Variants in CBFB observed in about 807,000 individuals in gnomAD.
CBFB encodes CBF-beta.
CBFB carries 9 observed loss-of-function variants against 30.4 expected under a neutral mutation model. The ratio of observed to expected loss-of-function variants is 0.30; its 90% confidence interval spans 0.18 to 0.52. The LOEUF is 0.52. Among genes scored for constraint, CBFB ranks in the 20% least tolerant of loss-of-function variants. The probability of loss-of-function intolerance (pLI) is 0.97; values close to 1 mark genes in which losing one functional copy is unlikely to be tolerated. For missense variants in CBFB, 170 were observed against 244.0 expected (o/e 0.70, Z 2.02); for synonymous variants, 94 against 84.0 (o/e 1.12, Z -0.65).
intron 5 of CBFB, among the ~76,000 whole-genome samples, chr16:67,092,281 T>C (rs1299406986): frequency 6.6e-6 from 1 of 152,154 alleles, no homozygotes; most frequent in Non-Finnish European, 1.5e-5. Context: ...TTATGGCTGC[T>C]TTTTAACCTT....
intron 2 of CBFB, among the ~76,000 whole-genome samples, chr16:67,035,973 C>A (rs904255295): frequency 6.6e-6 from 1 of 152,024 alleles, no homozygotes; most frequent in Non-Finnish European, 1.5e-5. Flanking sequence ...ACATCCAAAT[C>A]TTTTATATTT....
intron 3 of CBFB, among the ~76,000 whole-genome samples, chr16:67,045,757 G>A (rs111812334): frequency 2.3e-3 from 352 of 151,720 alleles, no homozygotes; most frequent in Non-Finnish European, 3.4e-3. Context: ...TCTGAGAAGA[G>A]CATCCTTCAC....
At chr16:67,092,696 ATCTTTTTTTTTTTTT>A (rs1450042969) in intron 5 of CBFB, among the ~76,000 whole-genome samples, 3 of 94,664 alleles carry the variant, frequency 3.2e-5, no homozygotes, top group African/African-American at 1.4e-4. Context: ...CAGTGGTGCA[ATCTTTTTTTTTTTTT>A]TTTTTTTTTT....
intron 3 of CBFB, among the ~76,000 whole-genome samples, chr16:67,051,894 C>A (rs1960553990): frequency 6.9e-6 from 1 of 144,374 alleles, no homozygotes; most frequent in South Asian, 2.2e-4. Context: ...GGATTACAGG[C>A]ATATATATAT....
At chr16:67,078,413 G>GCA (rs1961467039) in intron 4 of CBFB, among the ~76,000 whole-genome samples, 1 of 151,970 alleles carries the variant, frequency 6.6e-6, no homozygotes, top group Non-Finnish European at 1.5e-5. Context: ...AGCTCTGGTG[G>GCA]CACACACCTG....
At chr16:67,086,558 A>G (rs568715800) in intron 5 of CBFB, among the ~76,000 whole-genome samples, 3 of 152,344 alleles carry the variant, frequency 2.0e-5, no homozygotes, top group South Asian at 4.1e-4. Flanking sequence ...TTCATTGGAT[A>G]TCTTCAAAAA....
chr16:67,045,143 T>C (rs973410952), intron 3 of CBFB, among the ~76,000 whole-genome samples: 1 of 152,236 alleles, frequency 6.6e-6, no homozygotes, highest in Admixed American at 6.5e-5. Context: ...AGAGCGTTTG[T>C]ATTTTTAAAG....
chr16:67,037,864 T>G (rs1966468109), intron 3 of CBFB, among the ~76,000 whole-genome samples: 1 of 151,790 alleles, frequency 6.6e-6, no homozygotes, highest in Non-Finnish European at 1.5e-5. Flanking sequence ...AGAGACAGGG[T>G]TTCCCCATAT....
In CBFB at chr16:67,062,389, G is replaced by A. The variant is rs559883353; in HGVS notation, c.283-4293G>A. On this transcript the variant is annotated intron_variant, in intron 3 of 5. Transcript: ENST00000412916. ...TTGCCATGTTGGCCGGGCTGGTTTC[G>A]AACTCCTGACCTCAGGTGATCTGCC... Among the ~76,000 whole-genome samples, 4 of 151,402 alleles carry A rather than the reference G, an allele frequency of 2.6e-5. No individual in the cohort carries two copies. In the South Asian group the frequency reaches 8.3e-4, roughly 32 times the overall value.
In CBFB at chr16:67,046,809, AT is replaced by A. The variant is rs554248724; in HGVS notation, c.282+10055del. ...CAGGTGCAGAGACTTTGTTTCTTCA[AT>A]ATTATTCTTTGATGCTTAGTTTTGT... is the stretch of plus-strand genomic sequence containing the variant. On this transcript the variant is annotated intron_variant, in intron 3 of 5. Coordinates refer to ENST00000412916, the MANE Select transcript of CBFB (RefSeq NM_022845.3). Among the ~76,000 whole-genome samples the A allele has an allele frequency of 1.4e-3, 219 of 152,332 alleles. 1 individual carries two copies. Among genetic ancestry groups the A allele is most frequent in the African/African-American group, 5.0e-3 (209 of 41,570 alleles).
chr16:67,051,036 A>G (rs987394265), intron 3 of CBFB, among the ~76,000 whole-genome samples: 4 of 152,180 alleles, frequency 2.6e-5, no homozygotes, highest in Admixed American at 6.6e-5. Context: ...TTTTCATATA[A>G]TATTTTTGGA....
intron 3 of CBFB, among the ~76,000 whole-genome samples, chr16:67,047,945 T>C (rs1966658939): frequency 6.6e-6 from 1 of 152,130 alleles, no homozygotes. Context: ...GGTGGGTGCC[T>C]CTGGTCCCAG....
chr16:67,048,952 T>C (rs1262898019), intron 3 of CBFB, among the ~76,000 whole-genome samples: 3 of 151,150 alleles, frequency 2.0e-5, no homozygotes, highest in African/African-American at 7.3e-5. Flanking sequence ...CCCGAGTAGC[T>C]GGGATTACAG....
rs1025947944 is a variant in CBFB, at chr16:67,045,144, A to G, written c.282+8389A>G. Among the ~76,000 whole-genome samples the G allele has an allele frequency of 2.0e-5, 3 of 152,124 alleles. No homozygotes were observed. The South Asian group carries it at 6.2e-4, about 32-fold the overall frequency. On this transcript the variant is annotated intron_variant, in intron 3 of 5. Coordinates refer to ENST00000412916, the MANE Select transcript of CBFB (RefSeq NM_022845.3). ...CCTTTGTAGCTGGCAGAGCGTTTGTATTTTTAAAGAAAAGTTTTTATTTTA... is the reference window on the plus strand; with the variant it reads ...CCTTTGTAGCTGGCAGAGCGTTTGTGTTTTTAAAGAAAAGTTTTTATTTTA...
chr16:67,067,029 C>T (rs1220918603), intron 4 of CBFB: 4 of 296,642 alleles, frequency 1.3e-5, no homozygotes, highest in Non-Finnish European at 2.6e-5. Context: ...TCAGTGGGTG[C>T]TTCAAAGTCC....
intron 3 of CBFB, among the ~76,000 whole-genome samples, chr16:67,041,902 T>TC (rs941190988): frequency 1.4e-5 from 2 of 141,426 alleles, no homozygotes; most frequent in Admixed American, 1.4e-4. Context: ...CTGCCCTTCT[T>TC]TTTTTTTTTT....
chr16:67,054,569 A>AT (rs1272699583), intron 3 of CBFB, among the ~76,000 whole-genome samples: 1 of 151,762 alleles, frequency 6.6e-6, no homozygotes, highest in African/African-American at 2.4e-5. Flanking sequence ...CCTTTCTTAT[A>AT]TTTTTTCTAT....
At chr16:67,045,182 A>G (rs1966601766) in intron 3 of CBFB, among the ~76,000 whole-genome samples, 1 of 151,952 alleles carries the variant, frequency 6.6e-6, no homozygotes, top group African/African-American at 2.4e-5. Context: ...TATTTTAGTT[A>G]TTTTTCAATC....
intron 4 of CBFB, among the ~76,000 whole-genome samples, chr16:67,075,766 A>G (rs1457045982): frequency 6.6e-6 from 1 of 152,204 alleles, no homozygotes; most frequent in Non-Finnish European, 1.5e-5. Flanking sequence ...TACACTGAGA[A>G]TGAAAAGCTA....
Sources: allele counts gnomAD v4.1 joint callset (sites outside exome capture counted in the v4.1 genomes callset), GRCh38; gene constraint gnomAD v4.1.1; transcripts MANE v1.5; gene names NCBI Gene and HGNC (gene_info 2026-07-23, HGNC 2026-07-21).